The following EXOC2 variants were observed in gnomAD, a reference collection of about 807,000 sequenced individuals.
The protein encoded by EXOC2 is exocyst complex component 2, also known as SEC5-like 1.
Under a neutral mutation model 131.8 loss-of-function variants are expected in EXOC2, and 70 were observed. The ratio of observed to expected loss-of-function variants is 0.53; its 90% CI spans 0.44 to 0.65. The LOEUF is 0.65. EXOC2 is among the 30% of genes least tolerant of loss of function. EXOC2 has a pLI of 0.00. For missense variants in EXOC2, 923 were observed against 1,108.6 expected (o/e 0.83, Z 2.38); for synonymous variants, 411 against 398.4 (o/e 1.03, Z -0.38).
At chr6:634,530 A>G (rs1280051214) in intron 2 of EXOC2, among the ~76,000 whole-genome samples, 2 of 152,210 alleles carry the variant, frequency 1.3e-5, no homozygotes, top group Non-Finnish European at 2.9e-5. Flanking sequence ...GGAGGCACAA[A>G]GTCAAATCAT....
At chr6:567,458 G>A (rs1055912014) in intron 13 of EXOC2, among the ~76,000 whole-genome samples, 5 of 152,090 alleles carry the variant, frequency 3.3e-5, no homozygotes, top group African/African-American at 1.2e-4. Context: ...GCTGTTACCA[G>A]AATTTTTAAA....
intron 12 of EXOC2, among the ~76,000 whole-genome samples, chr6:573,411 C>T (rs566368205): frequency 3.3e-5 from 5 of 152,222 alleles, no homozygotes; most frequent in African/African-American, 7.2e-5. Context: ...ACCTGCCTCC[C>T]GCCCCGCACT....
intron 27 of EXOC2, among the ~76,000 whole-genome samples, chr6:487,282 G>C (rs1049030468): frequency 2.0e-5 from 3 of 151,210 alleles, no homozygotes; most frequent in African/African-American, 4.8e-5. Context: ...GTATTAGAGA[G>C]TGGGGAGCGA....
chr6:562,905 A>G, intron 16 of EXOC2, 60 bp from the exon 17 acceptor site: 1 of 1,232,570 alleles, frequency 8.1e-7, no homozygotes, highest in African/African-American at 1.5e-5. Flanking sequence ...TTTTATACAG[A>G]TTAAAAATGT....
intron 18 of EXOC2, 80 bp downstream of exon 18, chr6:556,404 T>C: frequency 7.2e-7 from 1 of 1,382,634 alleles, no homozygotes; most frequent in Non-Finnish European, 1.0e-6. Context: ...GATCTTGCAG[T>C]ACGATGAGTC....
intron 7 of EXOC2, among the ~76,000 whole-genome samples, chr6:604,423 C>T (rs1363087302): frequency 6.6e-6 from 1 of 152,170 alleles, no homozygotes; most frequent in African/African-American, 2.4e-5. Context: ...CTTAACATGC[C>T]TACCGTCCAC....
At chr6:612,886 G>A (rs1232587350) in intron 6 of EXOC2, among the ~76,000 whole-genome samples, 2 of 152,164 alleles carry the variant, frequency 1.3e-5, no homozygotes, top group Non-Finnish European at 2.9e-5. Context: ...AGGGGCAAGT[G>A]ATAATGCTGG....
Position 564,054 on chromosome 6 carries a change from T to C in EXOC2, c.1768A>G (p.Thr590Ala), listed in dbSNP as rs765491850. 6.2e-7 allele frequency: 1 copy of C among 1,614,100 alleles called. No individual in the cohort carries two copies. The highest frequency in any genetic ancestry group is 8.5e-7 in the Non-Finnish European group (1 of 1,180,024). The change falls in exon 16 of 28, where the codon ACG (threonine) becomes GCG (alanine). Residue 590 changes from threonine (T) to alanine (A), a missense_variant. Transcript: ENST00000230449. Reference protein sequence around the residue: ...LDLRVRCVMATLQHTAEEIKR... With the variant: ...LDLRVRCVMAALQHTAEEIKR... ...ACACCTTCCGCCGTGTGCTGCAACG[T>C]GGCCATTACGCAACGTACTCGGAGA...
chr6:575,856 C>G (rs569592150), intron 12 of EXOC2, among the ~76,000 whole-genome samples: 23 of 152,256 alleles, frequency 1.5e-4, no homozygotes, highest in African/African-American at 5.3e-4. Flanking sequence ...AATGTAGGAG[C>G]AAACGGTTCT....
chr6:611,037 A>G (rs1334634940), intron 6 of EXOC2, among the ~76,000 whole-genome samples: 9 of 152,258 alleles, frequency 5.9e-5, no homozygotes. Context: ...ATGTTTCTAC[A>G]TACCAAAGCT....
intron 23 of EXOC2, among the ~76,000 whole-genome samples, chr6:513,696 G>A (rs1258212348): frequency 6.6e-6 from 1 of 152,172 alleles, no homozygotes; most frequent in Non-Finnish European, 1.5e-5. Context: ...TGGGTTTTCA[G>A]ATATATTACA....
chr6:507,838 A>G (rs1764648195), intron 23 of EXOC2, among the ~76,000 whole-genome samples: 1 of 152,226 alleles, frequency 6.6e-6, no homozygotes, highest in Non-Finnish European at 1.5e-5. Context: ...GAGAAACCTC[A>G]TTAGAGAAGG....
Position 637,703 on chromosome 6 carries a change from ATGAGGTCGGTGGGG to A in EXOC2, c.102_115del (p.Pro35ArgfsTer8). ...CGTCGCAGGGCCTCTGCCCTTACCT[ATGAGGTCGGTGGGG>A]CCAGTCCCCAGATTTTCTCCCCTGA... On this transcript the variant is annotated frameshift_variant, in exon 2 of 28. Transcript: ENST00000230449. LOFTEE classifies it high-confidence loss of function. 6.2e-7 allele frequency: 1 copy of A among 1,611,866 alleles called. No individual in the cohort carries two copies. Among genetic ancestry groups the A allele is most frequent in the Non-Finnish European group, 8.5e-7 (1 of 1,179,084 alleles).
chr6:587,320 G>A (rs896035214), intron 11 of EXOC2, among the ~76,000 whole-genome samples: 8 of 151,458 alleles, frequency 5.3e-5, no homozygotes, highest in Non-Finnish European at 4.4e-5. Flanking sequence ...TCTGGGCTCA[G>A]TGCAAGCTCC....
intron 1 of EXOC2, among the ~76,000 whole-genome samples, chr6:678,108 G>GT (rs1226586267): frequency 6.6e-6 from 1 of 152,180 alleles, no homozygotes; most frequent in Non-Finnish European, 1.5e-5. Context: ...ATGACCAACA[G>GT]TTTTTAATCA....
At chr6:538,188 T>G (rs1241283912) in intron 22 of EXOC2, among the ~76,000 whole-genome samples, 1 of 152,148 alleles carries the variant, frequency 6.6e-6, no homozygotes, top group Non-Finnish European at 1.5e-5. Context: ...ATGTCAGGAG[T>G]ACACAGCTCA....
chr6:578,402 GAGGCAGAAA>G (rs1758702344), intron 11 of EXOC2, among the ~76,000 whole-genome samples: 1 of 152,142 alleles, frequency 6.6e-6, no homozygotes, highest in Admixed American at 6.5e-5. Flanking sequence ...TCTGGTGGTG[GAGGCAGAAA>G]ATAAACCAAT....
In EXOC2 at chr6:506,964, T is replaced by G. The variant is rs1000753173; in HGVS notation, c.2381-7264A>C. Among the ~76,000 whole-genome samples, 5 of 151,920 alleles carry G rather than the reference T, an allele frequency of 3.3e-5. No homozygotes were observed. Among genetic ancestry groups the G allele is most frequent in the African/African-American group, 1.2e-4 (5 of 41,340 alleles). Reference sequence around the variant, plus strand: ...AAAATACTTCCTGAGTGTCCATTATTATTACATGCAGGACACTTTTCCAGG... The same window carrying G: ...AAAATACTTCCTGAGTGTCCATTATGATTACATGCAGGACACTTTTCCAGG... On this transcript the variant is annotated intron_variant, in intron 23 of 27. Transcript: ENST00000230449. This position sits in a 1 kb window ranked among gnomAD's most constrained non-coding sequence, Gnocchi z 4.4.
intron 25 of EXOC2, among the ~76,000 whole-genome samples, chr6:495,523 G>A (rs746166268): frequency 6.6e-5 from 10 of 152,264 alleles, no homozygotes; most frequent in East Asian, 3.9e-4. Flanking sequence ...CTGAAAATAC[G>A]TTTTCAGTTC....
Sources: gnomAD v4.1 joint callset for allele counts (sites outside exome capture counted in the v4.1 genomes callset) on GRCh38, gnomAD v4.1.1 for gene constraint, Gnocchi (gnomAD v3.1) non-coding constraint, MANE v1.5 for transcripts, NCBI Gene and HGNC (gene_info 2026-07-23, HGNC 2026-07-21) for gene names.